The following CIB2 variants were observed in gnomAD, a reference collection of about 807,000 sequenced individuals.
CIB2 encodes the protein calcium and integrin-binding family member 2.
CIB2 carries 19 observed loss-of-function variants against 23.1 expected under a neutral mutation model. That is an observed-to-expected ratio of 0.82 (90% CI 0.57 to 1.21). The LOEUF (loss-of-function observed/expected upper bound fraction) is 1.21, where lower values mean the gene tolerates loss of function less well. CIB2 is among the 50% of genes most tolerant of loss of function. The pLI, the probability that CIB2 is intolerant of heterozygous loss-of-function variation, is 0.00. For missense variants in CIB2, 220 were observed against 241.5 expected, an observed-to-expected ratio of 0.91 and a Z score of 0.59; for synonymous variants, 94 against 91.7, an observed-to-expected ratio of 1.03 and a Z score of -0.14.
chr15:78,129,358 T>A (rs999190055), intron 1 of CIB2, among the ~76,000 whole-genome samples: 1 of 152,150 alleles, frequency 6.6e-6, no homozygotes, highest in Non-Finnish European at 1.5e-5. Flanking sequence ...CTGGCTCCGA[T>A]GAGTAACCCA....
chr15:78,123,890 T>C, intron 1 of CIB2, 151 bp from the exon 2 acceptor site: 1 of 826,258 alleles, frequency 1.2e-6, no homozygotes, highest in Admixed American at 2.1e-5. Context: ...CCTCACCCAC[T>C]GGGGACAGCT....
Position 78,109,200 on chromosome 15 carries a change from CGCATATTCAGG to C in CIB2, c.346+24_346+34del, listed in dbSNP as rs775631512. 1.8e-4 allele frequency: 203 copies of C among 1,158,890 alleles called. 1 individual carries two copies. The highest frequency in any genetic ancestry group is 6.3e-4 in the African/African-American group (40 of 63,746). 71.8% of individuals were successfully genotyped at this position (1,158,890 alleles called of 1,614,324 possible). A position where few individuals can be genotyped will look rare whatever the true frequency, so the allele number is the denominator to read the frequency against. On this transcript the variant is annotated intron_variant, in intron 4 of 5. Coordinates refer to ENST00000258930, the MANE Select transcript of CIB2 (RefSeq NM_006383.4). ...CTAAGGGCCCCACATGTTCCCCCAC[CGCATATTCAGG>C]CCCCCTCCTCTAGCCCTGGTTACCA...
rs73458999 is a variant in CIB2, at chr15:78,129,203, C to G, written c.51+1962G>C. Among the ~76,000 whole-genome samples, 1,225 of 152,182 alleles carry G rather than the reference C, an allele frequency of 8.0e-3. 15 individuals are homozygous for G. The highest frequency in any genetic ancestry group is 0.028 in the African/African-American group (1,177 of 41,524). On this transcript the variant is annotated intron_variant, in intron 1 of 5. Transcript: ENST00000258930. ...GGGTGCTGTAACTCAGGCTCACCCC[C>G]ACTCAGCCCGGGCTGGCAATGGCTG...
intron 2 of CIB2, among the ~76,000 whole-genome samples, chr15:78,115,936 G>A (rs892550993): frequency 3.3e-5 from 5 of 151,570 alleles, no homozygotes; most frequent in African/African-American, 1.2e-4. Context: ...ACTAATCAAT[G>A]TACTATTCGC....
At chr15:78,129,605 A>AC (rs1361012785) in intron 1 of CIB2, among the ~76,000 whole-genome samples, 1 of 151,944 alleles carries the variant, frequency 6.6e-6, no homozygotes, top group African/African-American at 2.4e-5. Flanking sequence ...CTGGCCTCCC[A>AC]CTGCCCACTA....
At chr15:78,111,337 G>T in intron 2 of CIB2, 61 bp from the exon 3 acceptor site, 1 of 1,384,876 alleles carries the variant, frequency 7.2e-7, no homozygotes, top group Non-Finnish European at 1.0e-6. Context: ...CCAGCAGCCC[G>T]GTGCTGTCCT....
intron 3 of CIB2, chr15:78,110,772 A>G (rs2074146971): frequency 1.1e-5 from 5 of 458,490 alleles, no homozygotes; most frequent in South Asian, 7.7e-5. Context: ...GGTACGTTAA[A>G]GTCTGAGAAA....
rs796995871 is a variant in CIB2, at chr15:78,104,907, CT to C, written c.*403del. 0.012 allele frequency: 2,048 copies of C among 166,356 alleles called. 1 individual carries two copies. Among genetic ancestry groups the C allele is most frequent in the South Asian group, 0.027 (168 of 6,152 alleles). The allele number at this position is 166,356 out of a possible 1,614,324, so 10.3% of individuals were successfully genotyped here. A position where few individuals can be genotyped will look rare whatever the true frequency, so the allele number is the denominator to read the frequency against. ...GCATAGCTCGTTAAAACCCTGACCT[CT>C]TTTTTTTTTTTCCGCTCTGTCCTGG... On this transcript the variant is annotated 3_prime_UTR_variant, in exon 6 of 6. Coordinates refer to ENST00000258930, the MANE Select transcript of CIB2 (RefSeq NM_006383.4). The surrounding 1 kb of genome is among the most constrained non-coding windows in gnomAD (Gnocchi z 4.4).
At chr15:78,114,901 A>G in intron 2 of CIB2, among the ~76,000 whole-genome samples, 1 of 152,126 alleles carries the variant, frequency 6.6e-6, no homozygotes, top group Middle Eastern at 3.2e-3. Context: ...GTCTCTAAAA[A>G]AAAAAAAGAT....
At chr15:78,121,838 C>A (rs560486462) in intron 2 of CIB2, among the ~76,000 whole-genome samples, 1 of 152,216 alleles carries the variant, frequency 6.6e-6, no homozygotes, top group Non-Finnish European at 1.5e-5. Flanking sequence ...AAAGGCCCAT[C>A]ATATTGGATC....
intron 2 of CIB2, among the ~76,000 whole-genome samples, chr15:78,117,434 G>C (rs1279492111): frequency 6.6e-6 from 1 of 152,106 alleles, no homozygotes; most frequent in Non-Finnish European, 1.5e-5. Context: ...CAGACTAGTA[G>C]AAGTGGTAGA....
At chr15:78,109,020 G>A (rs1596348420) in intron 4 of CIB2, among the ~76,000 whole-genome samples, 1 of 152,202 alleles carries the variant, frequency 6.6e-6, no homozygotes, top group East Asian at 1.9e-4. Flanking sequence ...GGATGGGTGA[G>A]TCCCTCCCTC....
At chr15:78,110,756 T>C (rs1403744273) in intron 3 of CIB2, 2 of 457,046 alleles carry the variant, frequency 4.4e-6, no homozygotes, top group South Asian at 3.1e-5. Flanking sequence ...AAATTAAATT[T>C]TAACAGGTAC....
At chr15:78,114,306 T>C (rs913067137) in intron 2 of CIB2, among the ~76,000 whole-genome samples, 11 of 152,152 alleles carry the variant, frequency 7.2e-5, no homozygotes, top group Non-Finnish European at 1.0e-4. Context: ...TAAAATCACA[T>C]TGGAATTTTT....
chr15:78,122,610 C>T (rs538467816), intron 2 of CIB2, among the ~76,000 whole-genome samples: 4 of 152,350 alleles, frequency 2.6e-5, no homozygotes, highest in South Asian at 2.1e-4. Flanking sequence ...TGCTGCCTCT[C>T]GGCAATGCTA....
Position 78,111,134 on chromosome 15 carries a change from C to T in CIB2, c.198+31G>A, listed in dbSNP as rs766159119. 6.3e-6 allele frequency: 10 copies of T among 1,593,912 alleles called. No homozygotes were observed. In the African/African-American group the frequency reaches 8.1e-5, roughly 13 times the overall value. On this transcript the variant is annotated intron_variant, in intron 3 of 5. Coordinates refer to ENST00000258930, the MANE Select transcript of CIB2 (RefSeq NM_006383.4). ...GCTGCTGGTCCAGAGGCACAGATCC[C>T]CTGCTCGCCAGCAAGAGGTCCTGCA... is the stretch of plus-strand genomic sequence containing the variant.
In CIB2 at chr15:78,120,543, G is replaced by A. The variant is rs544025927; in HGVS notation, c.86+3162C>T. On this transcript the variant is annotated intron_variant, in intron 2 of 5. Coordinates refer to ENST00000258930, the MANE Select transcript of CIB2 (RefSeq NM_006383.4). ...GAGCACAGCCTAATTAGGGCACAAG[G>A]GAAGTTGAAGTGCTAAGCTCTTACC... 4.1e-6 allele frequency: 4 copies of A among 985,380 alleles called. No individual in the cohort carries two copies. In the East Asian group the frequency reaches 3.4e-4, roughly 84 times the overall value. 61.0% of individuals were successfully genotyped at this position (985,380 alleles called of 1,614,324 possible). A position where few individuals can be genotyped will look rare whatever the true frequency, so the allele number is the denominator to read the frequency against.
chr15:78,114,148 T>G (rs368639174), intron 2 of CIB2, among the ~76,000 whole-genome samples: 1 of 152,194 alleles, frequency 6.6e-6, no homozygotes, highest in Non-Finnish European at 1.5e-5. Flanking sequence ...TGGCAGCTTT[T>G]AGCATGCTGC....
intron 4 of CIB2, among the ~76,000 whole-genome samples, chr15:78,108,828 C>A (rs1201728185): frequency 6.6e-6 from 1 of 152,062 alleles, no homozygotes; most frequent in African/African-American, 2.4e-5. Context: ...ACTCATACCG[C>A]CCCCTGTCCC....
Sources: allele counts gnomAD v4.1 joint callset (sites outside exome capture counted in the v4.1 genomes callset), GRCh38; gene constraint gnomAD v4.1.1; non-coding constraint Gnocchi (gnomAD v3.1); transcripts MANE v1.5; gene names NCBI Gene and HGNC (gene_info 2026-07-23, HGNC 2026-07-21).